The following MYOCD variants were observed in gnomAD, a reference collection of about 807,000 sequenced individuals.
MYOCD encodes myocardin.
In MYOCD, 32 loss-of-function variants were observed where a neutral mutation model predicts 96.1. That is an observed-to-expected ratio of 0.33 (90% CI 0.25 to 0.45). The LOEUF (loss-of-function observed/expected upper bound fraction) is 0.45, where lower values mean the gene tolerates loss of function less well. Ranked by LOEUF, MYOCD falls within the 20% of genes least tolerant of loss-of-function variation. MYOCD has a pLI of 1.00. For missense variants in MYOCD, 1,133 were observed against 1,200.6 expected, an observed-to-expected ratio of 0.94 and a Z score of 0.83; for synonymous variants, 469 against 469.0, an observed-to-expected ratio of 1.00 and a Z score of 0.00.
Position 12,763,146 on chromosome 17 carries a change from T to A in MYOCD, c.2463T>A (p.Ser821Arg), listed in dbSNP as rs1188544558. ...KVPKIPRSSR[S>R]PTAVLTKPSA... ...CAAAGATACCCAGATCTTCCCGAAG[T>A]CCAACTGCTGTCCTCACCAAGCCCT... The change falls in exon 14 of 14, where the codon AGT becomes AGA. Residue 821 changes from serine (S) to arginine (R), a missense_variant. Physicochemically the swap from Ser to Arg is moderately radical, Grantham distance 110. Transcript: ENST00000425538. 1 of 1,614,010 alleles carries A rather than the reference T, an allele frequency of 6.2e-7. No individual in the cohort carries two copies. The highest frequency in any genetic ancestry group is 1.7e-5 in the Admixed American group (1 of 59,992).
chr17:12,694,006 C>T (rs548833634), intron 1 of MYOCD, among the ~76,000 whole-genome samples: 11 of 152,218 alleles, frequency 7.2e-5, no homozygotes, highest in Middle Eastern at 3.4e-3. Flanking sequence ...TCACTTCCCA[C>T]GACCTTCCAA....
intron 1 of MYOCD, among the ~76,000 whole-genome samples, chr17:12,703,562 G>A (rs947646505): frequency 1.3e-5 from 2 of 151,892 alleles, no homozygotes; most frequent in Admixed American, 6.6e-5. Flanking sequence ...AATACTCTGT[G>A]ACTTGATATC....
chr17:12,739,248 C>G lies in MYOCD; in HGVS notation c.637C>G (p.Gln213Glu). The G allele has an allele frequency of 6.2e-7, 1 of 1,610,944 alleles. No homozygotes were observed. Residue 213 changes from glutamine to glutamate, a missense_variant, in exon 7 of 14, where the codon CAG (glutamine) becomes GAG (glutamate). Physicochemically the swap from Gln to Glu is conservative, Grantham distance 29. Coordinates refer to ENST00000425538, the MANE Select transcript of MYOCD (RefSeq NM_001146312.3). ...SENDRNDSAS[Q>E]PSHQSDAGKQ... is the part of the protein sequence containing the mutation. ...AAATGACAGAAATGACTCAGCCTCA[C>G]AGCCCAGCCACCAGTCAGATGCGGG...
intron 9 of MYOCD, among the ~76,000 whole-genome samples, chr17:12,748,864 A>G (rs2032746778): frequency 6.6e-6 from 1 of 152,146 alleles, no homozygotes; most frequent in African/African-American, 2.4e-5. Flanking sequence ...GGGTAAATAA[A>G]TAATTGCTAA....
intron 4 of MYOCD, among the ~76,000 whole-genome samples, chr17:12,722,213 A>G (rs2031859401): frequency 1.3e-5 from 2 of 152,316 alleles, no homozygotes; most frequent in South Asian, 4.1e-4. Context: ...CCCAACCTAA[A>G]AAGGAAGTTT....
chr17:12,725,225 T>G (rs2031960790), intron 5 of MYOCD, among the ~76,000 whole-genome samples: 1 of 151,868 alleles, frequency 6.6e-6, no homozygotes, highest in Non-Finnish European at 1.5e-5. Flanking sequence ...ATTTGTTTTC[T>G]GCTTCATTTT....
intron 3 of MYOCD, 81 bp from the exon 4 acceptor site, chr17:12,717,264 TA>T (rs1567584753): frequency 2.0e-6 from 2 of 982,804 alleles, no homozygotes; most frequent in African/African-American, 3.3e-5. Flanking sequence ...TTTATTATTT[TA>T]AAAGGTTATT....
intron 5 of MYOCD, among the ~76,000 whole-genome samples, chr17:12,732,317 C>T (rs1026875863): frequency 3.9e-4 from 60 of 152,236 alleles, no homozygotes; most frequent in African/African-American, 1.3e-3. Context: ...TGCTAATGGC[C>T]ACTCTATCAT....
intron 1 of MYOCD, among the ~76,000 whole-genome samples, chr17:12,688,041 T>C (rs770693532): frequency 3.9e-5 from 6 of 152,208 alleles, no homozygotes; most frequent in Non-Finnish European, 8.8e-5. Flanking sequence ...CCATGTTGTA[T>C]ACTGGATGAA....
In MYOCD at chr17:12,764,501, A is replaced by G. The variant is rs1469439708; in HGVS notation, c.*857A>G. The G allele has an allele frequency of 6.6e-6, 1 of 152,252 alleles. No individual in the cohort carries two copies. Among genetic ancestry groups the G allele is most frequent in the Non-Finnish European group, 1.5e-5 (1 of 68,076 alleles). The allele number at this position is 152,252 out of a possible 1,614,324, so 9.4% of individuals were successfully genotyped here. Reference sequence around the variant, plus strand: ...AGTTCCAAAGACTAGAGATGACCACATTGGTAGAAGTATATCTCGAGGCAC... The same window carrying G: ...AGTTCCAAAGACTAGAGATGACCACGTTGGTAGAAGTATATCTCGAGGCAC... On this transcript the variant is annotated 3_prime_UTR_variant, in exon 14 of 14. Coordinates refer to ENST00000425538, the MANE Select transcript of MYOCD (RefSeq NM_001146312.3).
Position 12,666,165 on chromosome 17 carries a change from A to T in MYOCD, c.-24A>T. On this transcript the variant is annotated 5_prime_UTR_variant, in exon 1 of 14. Coordinates refer to ENST00000425538, the MANE Select transcript of MYOCD (RefSeq NM_001146312.3). ...AGAACAGGGGGCGCCTGGCCAAGGG[A>T]CCAGCGGCTTGCTGAGACTCAACAT... 1 of 1,609,130 alleles carries T rather than the reference A, an allele frequency of 6.2e-7. No homozygotes were observed. Among genetic ancestry groups the T allele is most frequent in the Non-Finnish European group, 8.5e-7 (1 of 1,175,852 alleles).
intron 1 of MYOCD, among the ~76,000 whole-genome samples, chr17:12,684,164 C>A (rs971765227): frequency 6.6e-6 from 1 of 151,442 alleles, no homozygotes; most frequent in African/African-American, 2.4e-5. Context: ...TCTTTTTTTT[C>A]CACTTGTTTC....
intron 1 of MYOCD, among the ~76,000 whole-genome samples, chr17:12,678,354 C>T (rs1400198625): frequency 6.6e-6 from 1 of 150,376 alleles, no homozygotes; most frequent in African/African-American, 2.4e-5. Context: ...TAAACTTATT[C>T]TCCGGTGAGG....
At chr17:12,733,840 T>A (rs2032253351) in intron 5 of MYOCD, among the ~76,000 whole-genome samples, 1 of 141,292 alleles carries the variant, frequency 7.1e-6, no homozygotes, top group African/African-American at 2.7e-5. Flanking sequence ...CACTCCAGCC[T>A]GGGTGACAGA....
intron 7 of MYOCD, among the ~76,000 whole-genome samples, chr17:12,741,344 G>C (rs563421374): frequency 6.6e-6 from 1 of 152,092 alleles, no homozygotes; most frequent in Non-Finnish European, 1.5e-5. Flanking sequence ...GATGAGTCCC[G>C]TTATTTCTAA....
chr17:12,740,352 C>T (rs1375922039), intron 7 of MYOCD, among the ~76,000 whole-genome samples: 2 of 152,170 alleles, frequency 1.3e-5, no homozygotes, highest in African/African-American at 4.8e-5. Flanking sequence ...TCCCCAAATT[C>T]CATTACATAA....
chr17:12,767,529 A>G lies in MYOCD; in HGVS notation c.*3885A>G, dbSNP rs139602556. On this transcript the variant is annotated 3_prime_UTR_variant, in exon 14 of 14. Transcript: ENST00000425538. ...TTCAGCACAGATTGTTCAGATTTGA[A>G]TGACCAGGGAGTTGTATTTGCACAT... The G allele has an allele frequency of 6.6e-6, 1 of 152,354 alleles. No homozygotes were observed. The highest frequency in any genetic ancestry group is 1.5e-5 in the Non-Finnish European group (1 of 68,034). 9.4% of individuals were successfully genotyped at this position (152,354 alleles called of 1,614,324 possible).
intron 2 of MYOCD, among the ~76,000 whole-genome samples, chr17:12,712,228 C>T (rs974501404): frequency 2.0e-5 from 3 of 152,164 alleles, no homozygotes; most frequent in Non-Finnish European, 4.4e-5. Context: ...ACTTAGAGAA[C>T]GCTGCACTCG....
At chr17:12,712,608 A>G (rs1246266777) in intron 2 of MYOCD, among the ~76,000 whole-genome samples, 1 of 152,180 alleles carries the variant, frequency 6.6e-6, no homozygotes, top group African/African-American at 2.4e-5. Flanking sequence ...AAATGTTTAT[A>G]TGCTCGGCTG....
Sources: allele counts gnomAD v4.1 joint callset (sites outside exome capture counted in the v4.1 genomes callset), GRCh38; gene constraint gnomAD v4.1.1; transcripts MANE v1.5; gene names NCBI Gene and HGNC (gene_info 2026-07-23, HGNC 2026-07-21).